The following PEX5L variants were observed in gnomAD, a reference collection of about 807,000 sequenced individuals.
PEX5L encodes PEX5-related protein.
Under a neutral mutation model 84.0 loss-of-function variants are expected in PEX5L, and 30 were observed. That is an observed-to-expected ratio of 0.36 (90% CI 0.27 to 0.48). PEX5L has a LOEUF of 0.48. Ranked by LOEUF, PEX5L falls within the 20% of genes least tolerant of loss-of-function variation. The pLI is 0.99. For synonymous variants in PEX5L, 270 were observed against 283.1 expected, an observed-to-expected ratio of 0.95 and a Z score of 0.46; for missense variants, 533 against 754.6, an observed-to-expected ratio of 0.71 and a Z score of 3.44.
Position 180,008,487 on chromosome 3 carries a change from C to T in PEX5L, c.21+28092G>A, listed in dbSNP as rs112658160. Among the ~76,000 whole-genome samples the T allele has an allele frequency of 6.5e-3, 995 of 152,344 alleles. 20 individuals carry two copies. The highest frequency in any genetic ancestry group is 0.049 in the Admixed American group (742 of 15,296). ...CTTCCAAGTTCCAAAGCTGCTTCCA[C>T]ATTTTTGGGTATCTTTTCAGAAACA... On this transcript the variant is annotated intron_variant, in intron 1 of 14. Transcript: ENST00000467460.
chr3:179,917,045 T>A (rs1465266347), intron 2 of PEX5L, among the ~76,000 whole-genome samples: 1 of 151,566 alleles, frequency 6.6e-6, no homozygotes, highest in Admixed American at 6.6e-5. Context: ...TGTAAAAAAA[T>A]ATATTTTCTG....
chr3:179,959,481 G>A (rs192588044), intron 2 of PEX5L, among the ~76,000 whole-genome samples: 2 of 152,252 alleles, frequency 1.3e-5, no homozygotes, highest in African/African-American at 4.8e-5. Flanking sequence ...CCAGCACCTA[G>A]CAAACACCTA....
In PEX5L at chr3:179,991,138, C is replaced by T. The variant is rs1034673162; in HGVS notation, c.22-19473G>A. 5.9e-5 allele frequency among the ~76,000 whole-genome samples: 9 copies of T among 152,174 alleles called. No individual in the cohort carries two copies. The South Asian group carries it at 6.2e-4, about 11-fold the overall frequency. On this transcript the variant is annotated intron_variant, in intron 1 of 14. Transcript: ENST00000467460. ...CTGGCAGCCTGCTTCCTCACCTCCA[C>T]GGAGATAGCACCAAACCGACTTACT...
At chr3:179,992,521 G>A (rs1022087613) in intron 1 of PEX5L, among the ~76,000 whole-genome samples, 1 of 152,144 alleles carries the variant, frequency 6.6e-6, no homozygotes, top group Non-Finnish European at 1.5e-5. Context: ...ATGCAGATGA[G>A]AAAAATCAAT....
chr3:179,894,282 T>C (rs1758511982), intron 3 of PEX5L, among the ~76,000 whole-genome samples: 1 of 152,104 alleles, frequency 6.6e-6, no homozygotes, highest in African/African-American at 2.4e-5. Flanking sequence ...ATCATTACCA[T>C]GCAACCGCTA....
chr3:179,896,125 T>G (rs1212884703), intron 3 of PEX5L: 2 of 152,164 alleles, frequency 1.3e-5, no homozygotes, highest in Non-Finnish European at 2.9e-5. Context: ...TTCTTTTTGG[T>G]TTGTGCATGC....
At chr3:179,980,006 G>A (rs976266242) in intron 1 of PEX5L, among the ~76,000 whole-genome samples, 16 of 152,042 alleles carry the variant, frequency 1.1e-4, no homozygotes, top group African/African-American at 2.7e-4. Flanking sequence ...AAACTAAAAC[G>A]CGATCTCTTT....
In PEX5L at chr3:179,934,989, T is replaced by TGGCC. The variant is rs571406641; in HGVS notation, c.93+36601_93+36604dup. ...GGACCTGATTTTGGCAGAAATAACT[T>TGGCC]GGCCATGAATAAACCCAGAAGTGAA... is the stretch of plus-strand genomic sequence containing the variant. On this transcript the variant is annotated intron_variant, in intron 2 of 14. Transcript: ENST00000467460. Among the ~76,000 whole-genome samples the TGGCC allele has an allele frequency of 3.0e-4, 46 of 152,150 alleles. No individual in the cohort carries two copies. In the East Asian group the frequency reaches 4.2e-3, roughly 14 times the overall value.
intron 1 of PEX5L, among the ~76,000 whole-genome samples, chr3:179,972,066 T>A (rs986498827): frequency 5.3e-5 from 8 of 152,280 alleles, no homozygotes; most frequent in African/African-American, 1.9e-4. Context: ...ATTCAATGTT[T>A]TGTTTTAATG....
At position 179,840,161 on chromosome 3, in the gene PEX5L, T is replaced by TGTGTGTG. The variant is rs1553850431; in HGVS notation, c.822+18900_822+18901insCACACAC. Among the ~76,000 whole-genome samples the TGTGTGTG allele has an allele frequency of 2.2e-4, 27 of 123,766 alleles. 1 individual carries two copies. The Middle Eastern group carries it at 0.014, about 63-fold the overall frequency. 81.2% of individuals were successfully genotyped at this position (123,766 alleles called of 152,430 possible). A position where few individuals can be genotyped will look rare whatever the true frequency, so the allele number is the denominator to read the frequency against. ...TGGAAAACTATCGTCAAGTTGTTTT[T>TGTGTGTG]TGTGTGTGTGTGTGTGTGTGTGTTT... On this transcript the variant is annotated intron_variant, in intron 8 of 14. Transcript: ENST00000467460.
chr3:180,010,266 T>C (rs950412964), intron 1 of PEX5L, among the ~76,000 whole-genome samples: 1 of 138,058 alleles, frequency 7.2e-6, no homozygotes, highest in South Asian at 2.2e-4. Context: ...TTTTTTTTTT[T>C]CTGTAGAGAT....
intron 4 of PEX5L, among the ~76,000 whole-genome samples, chr3:179,882,818 G>A (rs528473926): frequency 3.3e-5 from 5 of 152,278 alleles, no homozygotes; most frequent in African/African-American, 1.2e-4. Flanking sequence ...GAGGTGTGTT[G>A]GCTCATGTTT....
chr3:179,849,147 T>G (rs1186891749), intron 8 of PEX5L, among the ~76,000 whole-genome samples: 1 of 152,230 alleles, frequency 6.6e-6, no homozygotes, highest in Admixed American at 6.5e-5. Context: ...AAGTAATAAA[T>G]GGACCTCAAG....
intron 1 of PEX5L, among the ~76,000 whole-genome samples, chr3:180,030,664 A>G (rs1791370124): frequency 6.6e-6 from 1 of 152,036 alleles, no homozygotes; most frequent in Admixed American, 6.6e-5. Flanking sequence ...GGATTTTGTG[A>G]CTCCCTAGGT....
chr3:179,808,456 AT>A lies in PEX5L; in HGVS notation c.1353-20del. On this transcript the variant is annotated intron_variant, in intron 12 of 14. Transcript: ENST00000467460. ...AACAGAGCTACAAGAGAAAAAAAAA[AT>A]TAGATTTGTAATCCAAATAGTCAGA... is the stretch of plus-strand genomic sequence containing the variant. The A allele has an allele frequency of 7.2e-7, 1 of 1,380,938 alleles. No individual in the cohort carries two copies. The highest frequency in any genetic ancestry group is 9.6e-7 in the Non-Finnish European group (1 of 1,040,308). The allele number at this position is 1,380,938 out of a possible 1,614,324, so 85.5% of individuals were successfully genotyped here.
At position 179,798,848 on chromosome 3, in the gene PEX5L, T is replaced by C. The variant is rs1577045664; in HGVS notation, c.*2980A>G. The C allele has an allele frequency of 1.3e-5, 2 of 152,180 alleles. No individual in the cohort carries two copies. The highest frequency in any genetic ancestry group is 4.8e-5 in the African/African-American group (2 of 41,438). 9.4% of individuals were successfully genotyped at this position (152,180 alleles called of 1,614,324 possible). ...TAAGAAACAAAACATTTACTGTATA[T>C]GATTTATACAAAAAGACTGTTCTAA... On this transcript the variant is annotated 3_prime_UTR_variant, in exon 15 of 15. Coordinates refer to ENST00000467460, the MANE Select transcript of PEX5L (RefSeq NM_016559.3).
chr3:179,995,755 A>T (rs958687096), intron 1 of PEX5L, among the ~76,000 whole-genome samples: 7 of 152,260 alleles, frequency 4.6e-5, no homozygotes, highest in African/African-American at 1.7e-4. Context: ...CTGAAATTGT[A>T]AAAAAACAGA....
chr3:179,923,881 G>A (rs562351344), intron 2 of PEX5L, among the ~76,000 whole-genome samples: 3 of 152,248 alleles, frequency 2.0e-5, no homozygotes, highest in Non-Finnish European at 4.4e-5. Flanking sequence ...CTATGCGACT[G>A]GCCTAACGAG....
At chr3:179,847,545 T>C (rs1185757312) in intron 8 of PEX5L, among the ~76,000 whole-genome samples, 1 of 152,228 alleles carries the variant, frequency 6.6e-6, no homozygotes, top group Non-Finnish European at 1.5e-5. Context: ...AAATTCAAGA[T>C]GTCTCTTTGC....
Sources: allele counts gnomAD v4.1 joint callset (sites outside exome capture counted in the v4.1 genomes callset), GRCh38; gene constraint gnomAD v4.1.1; transcripts MANE v1.5; gene names NCBI Gene and HGNC (gene_info 2026-07-23, HGNC 2026-07-21).